The following CRLF1 variants were observed in gnomAD, a reference collection of about 807,000 sequenced individuals.
CRLF1 encodes cytokine receptor like factor 1, also known as cytokine receptor-like factor 1.
Under a neutral mutation model 48.9 loss-of-function variants are expected in CRLF1, and 36 were observed. The observed-to-expected ratio is 0.74, with a 90% confidence interval of 0.56 to 0.97. The LOEUF is 0.97. Ranked by LOEUF, CRLF1 falls within the 50% of genes least tolerant of loss-of-function variation. The probability of loss-of-function intolerance (pLI) is 0.00; values close to 1 mark genes in which losing one functional copy is unlikely to be tolerated. For missense variants in CRLF1, 534 were observed against 575.1 expected, an observed-to-expected ratio of 0.93 and a Z score of 0.73; for synonymous variants, 256 against 253.4, an observed-to-expected ratio of 1.01 and a Z score of -0.10.
chr19:18,603,168 C>G (rs565459890), intron 1 of CRLF1, among the ~76,000 whole-genome samples: 1 of 152,212 alleles, frequency 6.6e-6, no homozygotes, highest in Non-Finnish European at 1.5e-5. Context: ...GGGTGATGCC[C>G]AAGACACACA....
intron 1 of CRLF1, among the ~76,000 whole-genome samples, chr19:18,601,476 C>T (rs923174013): frequency 2.0e-5 from 3 of 152,112 alleles, no homozygotes; most frequent in South Asian, 2.1e-4. Context: ...GTGGTTTCAC[C>T]GTGCTGGTCA....
intron 2 of CRLF1, 80 bp from the exon 3 acceptor site, chr19:18,598,981 A>C: frequency 6.3e-7 from 1 of 1,583,106 alleles, no homozygotes; most frequent in Non-Finnish European, 8.6e-7. Flanking sequence ...CTGCCCACCC[A>C]CCAGGCCCCC....
At chr19:18,605,701 C>A (rs1449291031) in intron 1 of CRLF1, among the ~76,000 whole-genome samples, 2 of 152,182 alleles carry the variant, frequency 1.3e-5, no homozygotes, top group Non-Finnish European at 2.9e-5. Context: ...GGTCTGCATA[C>A]GGAGACGTAT....
intron 1 of CRLF1, among the ~76,000 whole-genome samples, chr19:18,605,896 T>C (rs1739306378): frequency 6.6e-6 from 1 of 152,006 alleles, no homozygotes; most frequent in East Asian, 1.9e-4. Context: ...CTCACAAAGA[T>C]TCCTCTCGCT....
chr19:18,594,032 T>TGGGGGCG, intron 8 of CRLF1, 33 bp downstream of exon 8: 9 of 695,810 alleles, frequency 1.3e-5, no homozygotes, highest in Non-Finnish European at 1.8e-5. Context: ...CTCCCCTTGC[T>TGGGGGCG]CCCTCCCGCC....
At chr19:18,604,235 C>T (rs1376137146) in intron 1 of CRLF1, among the ~76,000 whole-genome samples, 1 of 152,212 alleles carries the variant, frequency 6.6e-6, no homozygotes, top group Non-Finnish European at 1.5e-5. Context: ...CACTTGCCAG[C>T]AGCTGCAGCT....
At chr19:18,595,057 G>A (rs1295969332) in intron 6 of CRLF1, among the ~76,000 whole-genome samples, 1 of 152,200 alleles carries the variant, frequency 6.6e-6, no homozygotes, top group Non-Finnish European at 1.5e-5. Context: ...AGTGGGCCAG[G>A]AGGGCCAGGT....
At chr19:18,601,565 G>A (rs553516734) in intron 1 of CRLF1, among the ~76,000 whole-genome samples, 3 of 152,062 alleles carry the variant, frequency 2.0e-5, no homozygotes, top group African/African-American at 4.8e-5. Flanking sequence ...GTGAACCACC[G>A]CGCCCAGCCT....
At chr19:18,604,032 C>G (rs1343019216) in intron 1 of CRLF1, among the ~76,000 whole-genome samples, 5 of 152,230 alleles carry the variant, frequency 3.3e-5, no homozygotes, top group Non-Finnish European at 5.9e-5. Context: ...TGCCTGGGCC[C>G]CCCCAACAGA....
chr19:18,603,834 C>T (rs896683340), intron 1 of CRLF1, among the ~76,000 whole-genome samples: 2 of 141,474 alleles, frequency 1.4e-5, no homozygotes, highest in African/African-American at 2.6e-5. Context: ...GAGGTCTCCG[C>T]GTCCGTGCGA....
chr19:18,596,896 C>T lies in CRLF1; in HGVS notation c.851G>A (p.Trp284Ter). Residue 284 changes from tryptophan (W) to a stop codon, truncating the protein, a stop_gained, in exon 5 of 9, where the codon TGG becomes TAG. Transcript: ENST00000392386. LOFTEE classifies it high-confidence loss of function. ...IRYRVEDSVD[W>*]KVVDDVSNQT... is the part of the protein sequence containing the mutation. ...GTCAGGGAAGGGGAGGGTCACCTTC[C>T]AGTCCACACTGTCCTCCACTCGGTA... 1.2e-6 allele frequency: 2 copies of T among 1,614,128 alleles called. No individual in the cohort carries two copies. Among genetic ancestry groups the T allele is most frequent in the South Asian group, 1.1e-5 (1 of 91,090 alleles).
chr19:18,594,294 C>A lies in CRLF1; in HGVS notation c.1165G>T (p.Asp389Tyr). 1.2e-6 allele frequency: 2 copies of A among 1,612,574 alleles called. No homozygotes were observed. Among genetic ancestry groups the A allele is most frequent in the Non-Finnish European group, 1.7e-6 (2 of 1,179,866 alleles). ...TTCTGCATCCAGGCTCGCCACTGGTCGTAGAGGCGGAAGCTGAGGTTGGAG... is the reference window on the plus strand; with the variant it reads ...TTCTGCATCCAGGCTCGCCACTGGTAGTAGAGGCGGAAGCTGAGGTTGGAG... The part of the protein sequence containing the change: ...YCSNLSFRLY[D>Y]QWRAWMQKSH... The change falls in exon 7 of 9, where the codon GAC (aspartate) becomes TAC (tyrosine). Residue 389 changes from aspartate to tyrosine, a missense_variant. Coordinates refer to ENST00000392386, the MANE Select transcript of CRLF1 (RefSeq NM_004750.5).
intron 1 of CRLF1, among the ~76,000 whole-genome samples, chr19:18,605,548 G>C (rs1471309162): frequency 1.3e-5 from 2 of 152,252 alleles, no homozygotes; most frequent in African/African-American, 4.8e-5. Flanking sequence ...CCGTGAATGT[G>C]TGTGTCGGGG....
rs765610119 is a variant in CRLF1 at position 18,597,431 on chromosome 19, C to CTTTTT, written c.698-387_698-383dup. Among the ~76,000 whole-genome samples the CTTTTT allele has an allele frequency of 1.7e-4, 14 of 81,624 alleles. 1 individual carries two copies. Among genetic ancestry groups the CTTTTT allele is most frequent in the African/African-American group, 8.5e-4 (13 of 15,292 alleles). 53.5% of individuals were successfully genotyped at this position (81,624 alleles called of 152,430 possible). Reference sequence around the variant, plus strand: ...TCCCCACTCACACCTCCCTTCCACTCTTTTTTTTTTTTTTTTGAGACGGAG... The same window carrying CTTTTT: ...TCCCCACTCACACCTCCCTTCCACTCTTTTTTTTTTTTTTTTTTTTTGAGACGGAG... On this transcript the variant is annotated intron_variant, in intron 4 of 8. Coordinates refer to ENST00000392386, the MANE Select transcript of CRLF1 (RefSeq NM_004750.5).
intron 1 of CRLF1, among the ~76,000 whole-genome samples, chr19:18,604,272 C>G (rs7246833): frequency 0.22 from 33,115 of 152,076 alleles, 3,994 homozygotes; most frequent in East Asian, 0.49. Context: ...GCGGGGGACA[C>G]CGGGCGGCGA....
Position 18,594,498 on chromosome 19 carries a change from G to A in CRLF1, c.1025-64C>T, listed in dbSNP as rs1405860289. On this transcript the variant is annotated intron_variant, in intron 6 of 8. Coordinates refer to ENST00000392386, the MANE Select transcript of CRLF1 (RefSeq NM_004750.5). Reference sequence around the variant, plus strand: ...GCAGGGGGTGCGCGCGGGCAGGAGAGGGGAGACCCCGGCGCGGCGGGACCA... The same window carrying A: ...GCAGGGGGTGCGCGCGGGCAGGAGAAGGGAGACCCCGGCGCGGCGGGACCA... 14 of 1,228,834 alleles carry A rather than the reference G, an allele frequency of 1.1e-5. No individual in the cohort carries two copies. In the Admixed American group the frequency reaches 2.6e-4, roughly 23 times the overall value. 76.1% of individuals were successfully genotyped at this position (1,228,834 alleles called of 1,614,324 possible).
At chr19:18,596,865 G>A (rs775654600) in intron 5 of CRLF1, 27 bp downstream of exon 5, 2 of 1,613,822 alleles carry the variant, frequency 1.2e-6, no homozygotes, top group South Asian at 1.1e-5. Flanking sequence ...AAGGAACAGG[G>A]GCGGAGTCAG....
At chr19:18,594,458 G>A in intron 6 of CRLF1, 24 bp from the exon 7 acceptor site, 2 of 1,335,216 alleles carry the variant, frequency 1.5e-6, no homozygotes, top group Non-Finnish European at 1.9e-6. Context: ...GAGCGGCAGT[G>A]TCAGAGCGCG....
intron 8 of CRLF1, 35 bp downstream of exon 8, chr19:18,594,030 G>GGGGGGGGGGC: frequency 5.3e-6 from 7 of 1,315,266 alleles, no homozygotes; most frequent in Non-Finnish European, 5.3e-6. Flanking sequence ...CCCTCCCCTT[G>GGGGGGGGGGC]CTCCCTCCCG....
Sources: gnomAD v4.1 joint callset for allele counts (sites outside exome capture counted in the v4.1 genomes callset) on GRCh38, gnomAD v4.1.1 for gene constraint, MANE v1.5 for transcripts, NCBI Gene and HGNC (gene_info 2026-07-23, HGNC 2026-07-21) for gene names.